Variants in NEGR1 observed in about 807,000 individuals in gnomAD.
The protein encoded by NEGR1 is IgLON family member 4.
In NEGR1, 10 loss-of-function variants were observed where a neutral mutation model predicts 40.9. That is an observed-to-expected ratio of 0.24 (90% CI 0.15 to 0.42). The LOEUF is 0.42. Among genes scored for constraint, NEGR1 ranks in the 10% least tolerant of loss-of-function variants. NEGR1 has a pLI of 1.00. For synonymous variants in NEGR1, 185 were observed against 166.8 expected, an observed-to-expected ratio of 1.11 and a Z score of -0.84; for missense variants, 352 against 438.9, an observed-to-expected ratio of 0.80 and a Z score of 1.77.
intron 1 of NEGR1, among the ~76,000 whole-genome samples, chr1:72,238,488 G>A (rs541909497): frequency 6.6e-6 from 1 of 151,730 alleles, no homozygotes; most frequent in East Asian, 1.9e-4. Context: ...GTCCCTACAA[G>A]GCCATTAGGT....
At position 72,072,691 on chromosome 1, in the gene NEGR1, T is replaced by C. The variant is rs146770789; in HGVS notation, c.177-137380A>G. On this transcript the variant is annotated intron_variant, in intron 1 of 6. Transcript: ENST00000357731. ...TGGGCTCTCTGTGTAACACAAAGGC[T>C]GAGAGTCTTCTGGCTAGCAAAGGCA... 8.5e-3 allele frequency among the ~76,000 whole-genome samples: 1,301 copies of C among 152,272 alleles called. 17 individuals are homozygous for C. The highest frequency in any genetic ancestry group is 0.03 in the African/African-American group (1,256 of 41,570).
chr1:71,575,236 A>T (rs1183616653), intron 6 of NEGR1, among the ~76,000 whole-genome samples: 1 of 152,222 alleles, frequency 6.6e-6, no homozygotes, highest in African/African-American at 2.4e-5. Flanking sequence ...TGAAAAAGTC[A>T]GTTGCTTCTG....
intron 6 of NEGR1, among the ~76,000 whole-genome samples, chr1:71,583,719 C>T (rs1310493049): frequency 6.6e-6 from 1 of 152,156 alleles, no homozygotes; most frequent in Non-Finnish European, 1.5e-5. Flanking sequence ...TACTATTATT[C>T]TGCCCGTTTT....
chr1:71,601,186 A>G (rs2101531717), intron 5 of NEGR1, among the ~76,000 whole-genome samples: 1 of 152,352 alleles, frequency 6.6e-6, no homozygotes, highest in East Asian at 1.9e-4. Flanking sequence ...TTTTGTGAAG[A>G]CATACAAGCT....
At chr1:71,553,405 T>C (rs1206469864) in intron 6 of NEGR1, among the ~76,000 whole-genome samples, 1 of 151,552 alleles carries the variant, frequency 6.6e-6, no homozygotes, top group African/African-American at 2.4e-5. Flanking sequence ...ACTTCCTTGG[T>C]AGTTATTTAA....
chr1:71,919,594 A>G (rs1645681932), intron 2 of NEGR1, among the ~76,000 whole-genome samples: 1 of 151,918 alleles, frequency 6.6e-6, no homozygotes, highest in Admixed American at 6.6e-5. Flanking sequence ...CAAATTTTGC[A>G]TATACTCTCG....
chr1:72,022,260 CATATAT>C (rs59160727), intron 1 of NEGR1, among the ~76,000 whole-genome samples: 2,474 of 111,438 alleles, frequency 0.022, 41 homozygotes, highest in Admixed American at 0.038. Flanking sequence ...AAACAATTTT[CATATAT>C]ATATATATAT....
chr1:72,254,760 A>G (rs1206661742), intron 1 of NEGR1, among the ~76,000 whole-genome samples: 2 of 151,640 alleles, frequency 1.3e-5, no homozygotes, highest in Non-Finnish European at 2.9e-5. Flanking sequence ...TTCAATAGCC[A>G]GGACAACGTT....
At chr1:71,462,065 T>A (rs1646718020) in intron 6 of NEGR1, among the ~76,000 whole-genome samples, 3 of 152,312 alleles carry the variant, frequency 2.0e-5, no homozygotes, top group Admixed American at 2.0e-4. Context: ...TTATTAACCA[T>A]TATTCTTTTA....
At chr1:71,858,660 A>G (rs910006997) in intron 2 of NEGR1, among the ~76,000 whole-genome samples, 5 of 152,124 alleles carry the variant, frequency 3.3e-5, no homozygotes, top group Non-Finnish European at 7.4e-5. Flanking sequence ...TGAACAAACA[A>G]AAACACATTT....
intron 2 of NEGR1, among the ~76,000 whole-genome samples, chr1:71,797,537 T>C (rs999632430): frequency 6.6e-6 from 1 of 152,284 alleles, no homozygotes; most frequent in South Asian, 2.1e-4. Flanking sequence ...TTTGGATAAT[T>C]AGAGAAAATA....
chr1:72,013,621 A>G (rs1569824031), intron 1 of NEGR1, among the ~76,000 whole-genome samples: 2 of 152,122 alleles, frequency 1.3e-5, no homozygotes, highest in East Asian at 3.9e-4. Flanking sequence ...GTAAATAAAT[A>G]AACCTCTATT....
intron 1 of NEGR1, among the ~76,000 whole-genome samples, chr1:72,142,321 TA>T (rs1254066272): frequency 2.6e-5 from 4 of 151,934 alleles, no homozygotes; most frequent in Non-Finnish European, 4.4e-5. Context: ...TACATGGACA[TA>T]AAAAATGTGA....
At chr1:72,251,705 T>G (rs1450816861) in intron 1 of NEGR1, among the ~76,000 whole-genome samples, 3 of 152,044 alleles carry the variant, frequency 2.0e-5, no homozygotes, top group Non-Finnish European at 4.4e-5. Flanking sequence ...ATAATCATTG[T>G]TTTTTTTCCA....
intron 1 of NEGR1, among the ~76,000 whole-genome samples, chr1:72,185,783 C>A (rs1405788911): frequency 6.6e-6 from 1 of 151,756 alleles, no homozygotes; most frequent in Non-Finnish European, 1.5e-5. Flanking sequence ...AGGTCTATAA[C>A]AAATGTAGAG....
At chr1:71,544,025 T>A (rs1647804484) in intron 6 of NEGR1, among the ~76,000 whole-genome samples, 1 of 151,212 alleles carries the variant, frequency 6.6e-6, no homozygotes, top group Non-Finnish European at 1.5e-5. Context: ...GAGGAAGATG[T>A]ATTCATTGAG....
chr1:71,696,601 C>T (rs539881556), intron 4 of NEGR1, among the ~76,000 whole-genome samples: 1 of 151,920 alleles, frequency 6.6e-6, no homozygotes, highest in African/African-American at 2.4e-5. Flanking sequence ...AATCAGTATA[C>T]ACATATTCAG....
intron 1 of NEGR1, among the ~76,000 whole-genome samples, chr1:72,248,129 C>T (rs1462364711): frequency 6.6e-6 from 1 of 152,072 alleles, no homozygotes. Context: ...TCTCACCAGC[C>T]CCACTTCCAG....
intron 2 of NEGR1, among the ~76,000 whole-genome samples, chr1:71,809,563 A>G (rs1423271388): frequency 6.6e-6 from 1 of 152,198 alleles, no homozygotes; most frequent in Non-Finnish European, 1.5e-5. Context: ...GACTAATTGA[A>G]CAACCACAAT....
Sources: allele counts gnomAD v4.1 joint callset (sites outside exome capture counted in the v4.1 genomes callset), GRCh38; gene constraint gnomAD v4.1.1; transcripts MANE v1.5; gene names NCBI Gene and HGNC (gene_info 2026-07-23, HGNC 2026-07-21).